NRF1: variants seen among roughly 807,000 people sequenced by gnomAD.
The protein encoded by NRF1 is alpha palindromic-binding protein.
In NRF1, 5 loss-of-function variants were observed where a neutral mutation model predicts 58.5. The observed-to-expected ratio is 0.09, with a 90% confidence interval of 0.04 to 0.18. The LOEUF is 0.18. Among genes scored for constraint, NRF1 ranks in the 10% least tolerant of loss-of-function variants. NRF1 has a pLI of 1.00. For missense variants in NRF1, 288 were observed against 657.7 expected (o/e 0.44, Z 6.15); for synonymous variants, 224 against 246.7 (o/e 0.91, Z 0.86).
At chr7:129,635,572 T>C (rs1801152468) in intron 1 of NRF1, among the ~76,000 whole-genome samples, 1 of 152,192 alleles carries the variant, frequency 6.6e-6, no homozygotes, top group African/African-American at 2.4e-5. Flanking sequence ...TATCCAATCT[T>C]ATCTGGGGTA....
intron 10 of NRF1, among the ~76,000 whole-genome samples, chr7:129,743,347 G>T (rs1473235493): frequency 1.3e-5 from 2 of 152,184 alleles, no homozygotes; most frequent in Non-Finnish European, 2.9e-5. Context: ...AAACAAGAGG[G>T]CATGTGAACA....
chr7:129,691,840 C>T (rs1039234870), intron 5 of NRF1, among the ~76,000 whole-genome samples: 1 of 152,100 alleles, frequency 6.6e-6, no homozygotes, highest in Non-Finnish European at 1.5e-5. Flanking sequence ...CCCCTCATCC[C>T]TTCTGGGGCC....
At position 129,690,378 on chromosome 7, in the gene NRF1, G is replaced by A. The variant is rs376438034; in HGVS notation, c.466-28G>A. 2.9e-5 allele frequency: 46 copies of A among 1,602,572 alleles called. No homozygotes were observed. In the African/African-American group the frequency reaches 5.5e-4, roughly 19 times the overall value. On this transcript the variant is annotated intron_variant, in intron 4 of 10. Transcript: ENST00000393232. ...ATCCTCCCTGGTTGTTGGGCATCTT[G>A]TTTACTTCTGCCCTTAATTCCCTGC...
chr7:129,642,223 A>T lies in NRF1; in HGVS notation c.-6-15123A>T, dbSNP rs190228423. 4.6e-5 allele frequency among the ~76,000 whole-genome samples: 7 copies of T among 151,724 alleles called. No individual in the cohort carries two copies. In the South Asian group the frequency reaches 8.4e-4, roughly 18 times the overall value. On this transcript the variant is annotated intron_variant, in intron 1 of 10. Transcript: ENST00000393232. ...GGTCTTGAACTCCTGACCTCAAGTT[A>T]TATGCCCGCCTCAGCCTCCCAAAGT...
intron 4 of NRF1, among the ~76,000 whole-genome samples, chr7:129,680,054 T>TGTCTC (rs1299821054): frequency 6.6e-6 from 1 of 152,040 alleles, no homozygotes; most frequent in African/African-American, 2.4e-5. Context: ...AGCCAGACTC[T>TGTCTC]GTCTCAAAAA....
chr7:129,754,884 TG>T, intron 10 of NRF1, 133 bp from the exon 11 acceptor site: 1 of 750,256 alleles, frequency 1.3e-6, no homozygotes, highest in Non-Finnish European at 2.0e-6. Context: ...TCTTTGTGCC[TG>T]GGCCATGGGT....
At chr7:129,618,260 A>G (rs1800696748) in intron 1 of NRF1, among the ~76,000 whole-genome samples, 1 of 152,202 alleles carries the variant, frequency 6.6e-6, no homozygotes, top group South Asian at 2.1e-4. Context: ...TTGAGGAGGA[A>G]GGTAATAGAG....
intron 4 of NRF1, among the ~76,000 whole-genome samples, chr7:129,683,722 C>T (rs1785865878): frequency 6.9e-6 from 1 of 145,756 alleles, no homozygotes; most frequent in African/African-American, 2.6e-5. Flanking sequence ...GCAGCCTTTG[C>T]CTCCCAGGTT....
At chr7:129,720,352 T>C (rs567699748) in intron 9 of NRF1, among the ~76,000 whole-genome samples, 2 of 152,224 alleles carry the variant, frequency 1.3e-5, no homozygotes, top group Non-Finnish European at 2.9e-5. Flanking sequence ...AAACAAGCCC[T>C]TAACATTCGC....
intron 1 of NRF1, among the ~76,000 whole-genome samples, chr7:129,650,048 C>T (rs527324724): frequency 1.1e-4 from 16 of 152,164 alleles, no homozygotes; most frequent in South Asian, 6.2e-4. Flanking sequence ...CCACTGTGTC[C>T]GGCCAAGAAG....
chr7:129,724,537 T>C (rs983238896), intron 9 of NRF1, among the ~76,000 whole-genome samples: 6 of 152,184 alleles, frequency 3.9e-5, no homozygotes, highest in African/African-American at 1.2e-4. Flanking sequence ...TGGGTACATA[T>C]CCCAAAGAAT....
chr7:129,646,943 C>A (rs908324258), intron 1 of NRF1, among the ~76,000 whole-genome samples: 1 of 152,154 alleles, frequency 6.6e-6, no homozygotes. Flanking sequence ...CAGCTGATTA[C>A]CCACAATCAT....
chr7:129,635,127 G>T (rs971218529), intron 1 of NRF1, among the ~76,000 whole-genome samples: 3 of 152,098 alleles, frequency 2.0e-5, no homozygotes, highest in African/African-American at 4.8e-5. Context: ...GTCTCTAGGC[G>T]GTTGGGGATG....
chr7:129,700,683 C>T (rs1363607770), intron 5 of NRF1, among the ~76,000 whole-genome samples: 3 of 152,064 alleles, frequency 2.0e-5, no homozygotes, highest in African/African-American at 4.8e-5. Flanking sequence ...TTTGGGAGGT[C>T]GAGGTAGGCG....
chr7:129,624,330 C>T (rs1040767064), intron 1 of NRF1, among the ~76,000 whole-genome samples: 1 of 152,126 alleles, frequency 6.6e-6, no homozygotes, highest in South Asian at 2.1e-4. Flanking sequence ...TTGTAAGCTT[C>T]GTGAGAGTAG....
chr7:129,690,959 TA>T (rs1339247914), intron 5 of NRF1, among the ~76,000 whole-genome samples: 1 of 152,206 alleles, frequency 6.6e-6, no homozygotes, highest in Non-Finnish European at 1.5e-5. Flanking sequence ...CTTCCATAAT[TA>T]TTACTAAGTA....
chr7:129,661,101 C>T (rs916309337), intron 2 of NRF1, among the ~76,000 whole-genome samples: 10 of 151,302 alleles, frequency 6.6e-5, no homozygotes, highest in South Asian at 2.1e-4. Context: ...AGCCATGGCC[C>T]GAGCTCTGTG....
chr7:129,691,668 T>C (rs959229719), intron 5 of NRF1, among the ~76,000 whole-genome samples: 1 of 152,186 alleles, frequency 6.6e-6, no homozygotes, highest in African/African-American at 2.4e-5. Flanking sequence ...CCTATTTCTT[T>C]ATTAATTTAC....
chr7:129,635,306 A>G (rs539524900), intron 1 of NRF1, among the ~76,000 whole-genome samples: 8 of 152,348 alleles, frequency 5.3e-5, no homozygotes, highest in East Asian at 1.9e-4. Context: ...CTATGATAGC[A>G]GAAGAGTTTT....
Sources: gnomAD v4.1 joint callset for allele counts (sites outside exome capture counted in the v4.1 genomes callset) on GRCh38, gnomAD v4.1.1 for gene constraint, MANE v1.5 for transcripts, NCBI Gene and HGNC (gene_info 2026-07-23, HGNC 2026-07-21) for gene names.